Variants in LVRN observed in about 807,000 individuals in gnomAD.
The protein encoded by LVRN is aminopeptidase Q.
LVRN carries 99 observed loss-of-function variants against 111.4 expected under a neutral mutation model. The ratio of observed to expected loss-of-function variants is 0.89; its 90% confidence interval spans 0.76 to 1.05. The LOEUF (loss-of-function observed/expected upper bound fraction) is 1.05, where lower values mean the gene tolerates loss of function less well. Among genes scored for constraint, LVRN ranks in the 50% least tolerant of loss-of-function variants. LVRN has a pLI of 0.00. For synonymous variants in LVRN, 488 were observed against 449.5 expected (o/e 1.09, Z -1.08); for missense variants, 1,414 against 1,206.8 (o/e 1.17, Z -2.54).
chr5:115,994,025 T>A (rs1188342183), intron 6 of LVRN, among the ~76,000 whole-genome samples, 171 bp downstream of exon 6: 1 of 148,558 alleles, frequency 6.7e-6, no homozygotes, highest in African/African-American at 2.5e-5. Flanking sequence ...ATTCCAGGCT[T>A]TTTATCTATT....
intron 4 of LVRN, 50 bp downstream of exon 4, chr5:115,987,989 C>T (rs773526239): frequency 6.3e-7 from 1 of 1,583,356 alleles, no homozygotes; most frequent in Non-Finnish European, 8.6e-7. Context: ...TTATTTGGGC[C>T]CTTGGTTGAG....
intron 4 of LVRN, among the ~76,000 whole-genome samples, chr5:115,990,707 G>A (rs548309023): frequency 9.3e-4 from 142 of 152,156 alleles, no homozygotes; most frequent in African/African-American, 3.4e-3. Flanking sequence ...CAGTAGCTGG[G>A]ATTACAGGTG....
chr5:115,975,070 A>G, intron 1 of LVRN: 1 of 325,764 alleles, frequency 3.1e-6, no homozygotes, highest in South Asian at 3.1e-5. Context: ...TTGCTTCACT[A>G]AACTTAATGG....
chr5:115,984,574 G>T lies in LVRN; in HGVS notation c.843G>T (p.Gln281His). 1 of 1,613,270 alleles carries T rather than the reference G, an allele frequency of 6.2e-7. No homozygotes were observed. The highest frequency in any genetic ancestry group is 8.5e-7 in the Non-Finnish European group (1 of 1,179,564). The change falls in exon 3 of 20, where the codon CAG (glutamine) becomes CAT (histidine). Residue 281 changes from glutamine (Q) to histidine (H), a missense_variant. By Grantham distance (24) the Gln-to-His change is conservative (BLOSUM62 0). Coordinates refer to ENST00000357872, the MANE Select transcript of LVRN (RefSeq NM_173800.5). Reference protein sequence around the residue: ...VALSNMPKLGQSEKEDVNGSK... With the variant: ...VALSNMPKLGHSEKEDVNGSK... ...AACTAAAATAAAATTCTCTAGGTCA[G>T]TCTGAAAAAGAAGATGTGAATGGAA...
At chr5:115,996,881 A>C (rs940294816) in intron 6 of LVRN, among the ~76,000 whole-genome samples, 2 of 152,190 alleles carry the variant, frequency 1.3e-5, no homozygotes, top group Non-Finnish European at 2.9e-5. Context: ...TCTGAGCTTT[A>C]GTTCCTCATT....
At chr5:115,974,103 C>A (rs1451544146) in intron 1 of LVRN, among the ~76,000 whole-genome samples, 1 of 152,172 alleles carries the variant, frequency 6.6e-6, no homozygotes, top group Admixed American at 6.6e-5. Context: ...AGTCCACCAT[C>A]ATAGTAGAAA....
At chr5:116,011,041 T>TTTTCATAGTAGTTATG (rs1748480223) in intron 14 of LVRN, 147 bp downstream of exon 14, 3 of 247,548 alleles carry the variant, frequency 1.2e-5, no homozygotes, top group East Asian at 5.7e-5. Flanking sequence ...GTATATACAT[T>TTTTCATAGTAGTTATG]TCCTTAACAA....
In LVRN at chr5:116,001,889, A is replaced by G. The variant is rs370953113; in HGVS notation, c.1820+650A>G. Among the ~76,000 whole-genome samples, 578 of 152,310 alleles carry G rather than the reference A, an allele frequency of 3.8e-3. 2 individuals are homozygous for G. The highest frequency in any genetic ancestry group is 0.013 in the African/African-American group (552 of 41,564). ...AGCATGTATCCCAATAGATTGTGTA[A>G]AAGTGAAATGAGTATAAAATAGCCT... On this transcript the variant is annotated intron_variant, in intron 10 of 19. Coordinates refer to ENST00000357872, the MANE Select transcript of LVRN (RefSeq NM_173800.5).
Position 116,022,434 on chromosome 5 carries a change from A to T in LVRN, c.2800A>T (p.Arg934Ter). 1 of 1,564,036 alleles carries T rather than the reference A, an allele frequency of 6.4e-7. No homozygotes were observed. The highest frequency in any genetic ancestry group is 8.7e-7 in the Non-Finnish European group (1 of 1,146,426). The change falls in exon 19 of 20, where the codon AGA (arginine) becomes TGA (stop). Residue 934 changes from arginine (R) to a stop codon, truncating the protein, a stop_gained. Transcript: ENST00000357872. LOFTEE classifies it low-confidence loss of function (END_TRUNC). ...SLINLIYTIG[R>*]TVTTDLQIVE... ...GATTAATCTAATATATACAATAGGG[A>T]GAACCGTAACTACAGATTTACAGAT... is the stretch of plus-strand genomic sequence containing the variant.
At position 115,984,607 on chromosome 5, in the gene LVRN, G is replaced by C; in HGVS notation, c.876G>C (p.Trp292Cys). 6.2e-7 allele frequency: 1 copy of C among 1,613,552 alleles called. No homozygotes were observed. Among genetic ancestry groups the C allele is most frequent in the Non-Finnish European group, 8.5e-7 (1 of 1,179,712 alleles). ...AAGAAGATGTGAATGGAAGCAAATG[G>C]ACTGTTACAACCTTTTCCACTACGC... ...SEKEDVNGSKWTVTTFSTTPH... is the reference protein window; with the variant it reads ...SEKEDVNGSKCTVTTFSTTPH... Residue 292 changes from tryptophan (W) to cysteine (C), a missense_variant, in exon 3 of 20, where the codon TGG becomes TGC. Transcript: ENST00000357872.
chr5:115,980,701 T>G (rs957450820), intron 1 of LVRN, among the ~76,000 whole-genome samples: 1 of 152,146 alleles, frequency 6.6e-6, no homozygotes, highest in Non-Finnish European at 1.5e-5. Context: ...GAACGTATGA[T>G]CAAGCTTTAC....
chr5:115,968,697 T>C (rs2162755), intron 1 of LVRN, among the ~76,000 whole-genome samples: 1 of 152,066 alleles, frequency 6.6e-6, no homozygotes, highest in South Asian at 2.1e-4. Context: ...AAAGAACAAA[T>C]GGAGAAAGCC....
chr5:116,006,003 T>C, intron 13 of LVRN, 36 bp downstream of exon 13: 2 of 1,495,452 alleles, frequency 1.3e-6, no homozygotes, highest in African/African-American at 1.4e-5. Flanking sequence ...TTTCAGAATA[T>C]ACCTTGAGAC....
chr5:116,000,301 TA>T, intron 7 of LVRN, 131 bp from the exon 8 acceptor site: 1 of 1,268,462 alleles, frequency 7.9e-7, no homozygotes, highest in Non-Finnish European at 1.1e-6. Context: ...CATTCCAAAA[TA>T]ATTCAAACAT....
chr5:116,014,165 C>T (rs1748548664), intron 15 of LVRN, among the ~76,000 whole-genome samples: 2 of 152,104 alleles, frequency 1.3e-5, no homozygotes, highest in African/African-American at 4.8e-5. Context: ...TGAAGGATGG[C>T]AGTAATTTGT....
At chr5:115,992,434 G>A in intron 5 of LVRN, 157 bp downstream of exon 5, 2 of 394,242 alleles carry the variant, frequency 5.1e-6, no homozygotes, top group Non-Finnish European at 6.9e-6. Flanking sequence ...GGAAGACTCA[G>A]ATTCAGGGTG....
chr5:115,975,143 C>A, intron 1 of LVRN: 2 of 436,036 alleles, frequency 4.6e-6, no homozygotes, highest in South Asian at 3.8e-5. Context: ...TTGTATGAGT[C>A]AATGAACTGA....
chr5:116,016,198 CTG>C (rs1332270482), intron 18 of LVRN, among the ~76,000 whole-genome samples: 4 of 152,068 alleles, frequency 2.6e-5, no homozygotes, highest in Non-Finnish European at 4.4e-5. Flanking sequence ...TTTGAATAGA[CTG>C]TTACATTATT....
At position 115,993,200 on chromosome 5, in the gene LVRN, G is replaced by GT. The variant is rs35417462; in HGVS notation, c.1261-530dup. On this transcript the variant is annotated intron_variant, in intron 5 of 19. Coordinates refer to ENST00000357872, the MANE Select transcript of LVRN (RefSeq NM_173800.5). ...TTCTGTTCATCATCCATTTGACACT[G>GT]TTTTTTTTTTTCTGTTCAGTTCAAA... is the stretch of plus-strand genomic sequence containing the variant. Among the ~76,000 whole-genome samples, 47 of 148,674 alleles carry GT rather than the reference G, an allele frequency of 3.2e-4. 1 individual carries two copies. The highest frequency in any genetic ancestry group is 9.8e-4 in the East Asian group (5 of 5,104).
Sources: gnomAD v4.1 joint callset for allele counts (sites outside exome capture counted in the v4.1 genomes callset) on GRCh38, gnomAD v4.1.1 for gene constraint, MANE v1.5 for transcripts, NCBI Gene and HGNC (gene_info 2026-07-23, HGNC 2026-07-21) for gene names.